Variants in F11R observed in about 807,000 individuals in gnomAD.
F11R encodes the protein F11 receptor.
Under a neutral mutation model 39.3 loss-of-function variants are expected in F11R, and 27 were observed. The ratio of observed to expected loss-of-function variants is 0.69; its 90% CI spans 0.51 to 0.95. The LOEUF (loss-of-function observed/expected upper bound fraction) is 0.95, where lower values mean the gene tolerates loss of function less well. Among genes scored for constraint, F11R ranks in the 40% least tolerant of loss-of-function variants. The probability of loss-of-function intolerance (pLI) is 0.00; values close to 1 mark genes in which losing one functional copy is unlikely to be tolerated. For synonymous variants in F11R, 131 were observed against 144.9 expected, an observed-to-expected ratio of 0.90 and a Z score of 0.69; for missense variants, 335 against 372.7, an observed-to-expected ratio of 0.90 and a Z score of 0.83.
chr1:161,012,605 T>TTTAC (rs1279009732), intron 1 of F11R, among the ~76,000 whole-genome samples: 10 of 142,178 alleles, frequency 7.0e-5, no homozygotes, highest in African/African-American at 2.5e-4. Context: ...ATTAATTTTA[T>TTTAC]TTATTTATTT....
intron 1 of F11R, among the ~76,000 whole-genome samples, chr1:161,016,400 CG>C (rs1181898780): frequency 6.6e-5 from 10 of 152,006 alleles, no homozygotes; most frequent in Admixed American, 6.6e-4. Context: ...GGCATGAACC[CG>C]GGAGGTGGAG....
At chr1:160,999,798 C>T in intron 6 of F11R, 51 bp from the exon 7 acceptor site, 1 of 1,604,520 alleles carries the variant, frequency 6.2e-7, no homozygotes, top group Non-Finnish European at 8.5e-7. Flanking sequence ...CTCACGGCAC[C>T]TACAGTATCA....
chr1:161,007,482 A>G (rs1303783619), intron 1 of F11R, among the ~76,000 whole-genome samples: 1 of 152,104 alleles, frequency 6.6e-6, no homozygotes, highest in Non-Finnish European at 1.5e-5. Flanking sequence ...GAAAAAAAAA[A>G]AAAAATCCCA....
At chr1:161,020,114 TAACGCACA>T (rs1343909909) in intron 1 of F11R, among the ~76,000 whole-genome samples, 1 of 152,178 alleles carries the variant, frequency 6.6e-6, no homozygotes, top group Non-Finnish European at 1.5e-5. Flanking sequence ...ACAGGTTGAC[TAACGCACA>T]AACCAACCGA....
Position 160,998,843 on chromosome 1 carries a change from C to G in F11R, c.*28G>C. ...CGGTAGCACCTGAGTAAGGCAAATG[C>G]AGATGATAGGCGGTGAGCCGACCAG... On this transcript the variant is annotated 3_prime_UTR_variant, in exon 10 of 10. Coordinates refer to ENST00000368026, the MANE Select transcript of F11R (RefSeq NM_016946.6). The G allele has an allele frequency of 6.2e-7, 1 of 1,613,232 alleles. No individual in the cohort carries two copies. The highest frequency in any genetic ancestry group is 8.5e-7 in the Non-Finnish European group (1 of 1,179,134).
chr1:161,016,204 C>T (rs988643295), intron 1 of F11R, among the ~76,000 whole-genome samples: 3 of 152,034 alleles, frequency 2.0e-5, no homozygotes, highest in Non-Finnish European at 4.4e-5. Context: ...GGGCCGGGCG[C>T]GGTGGCTCAC....
intron 1 of F11R, among the ~76,000 whole-genome samples, chr1:161,017,205 T>G (rs1177663039): frequency 2.0e-5 from 3 of 152,164 alleles, no homozygotes; most frequent in Non-Finnish European, 4.4e-5. Flanking sequence ...GTCTGAAATA[T>G]GGCCTCGTGG....
Position 161,001,054 on chromosome 1 carries a change from G to C in F11R, c.207C>G (p.Thr69=). 6.2e-7 allele frequency: 1 copy of C among 1,614,110 alleles called. No homozygotes were observed. Among genetic ancestry groups the C allele is most frequent in the Non-Finnish European group, 8.5e-7 (1 of 1,180,016 alleles). ...TGTTATTATAGCAAACGAGTCTGGT[G>C]GTGTCTCCTTGGTCAAACTTCCACT... ...RVEWKFDQGD[T]TRLVCYNNKI... The change falls in exon 3 of 10, where the codon ACC becomes ACG. Residue 69 remains threonine (T), a synonymous_variant. Transcript: ENST00000368026.
At position 161,001,048 on chromosome 1, in the gene F11R, T is replaced by C; in HGVS notation, c.213A>G (p.Arg71=). Reference sequence around the variant, plus strand: ...TGATCTTGTTATTATAGCAAACGAGTCTGGTGGTGTCTCCTTGGTCAAACT... The same window carrying C: ...TGATCTTGTTATTATAGCAAACGAGCCTGGTGGTGTCTCCTTGGTCAAACT... ...EWKFDQGDTT[R]LVCYNNKITA... is the part of the protein sequence containing the mutation. Residue 71 remains arginine (R), a synonymous_variant, in exon 3 of 10, where the codon AGA becomes AGG. Transcript: ENST00000368026. The C allele has an allele frequency of 6.2e-7, 1 of 1,613,604 alleles. No individual in the cohort carries two copies. Among genetic ancestry groups the C allele is most frequent in the East Asian group, 2.2e-5 (1 of 44,846 alleles).
At chr1:161,006,013 C>T (rs533411814) in intron 1 of F11R, among the ~76,000 whole-genome samples, 6 of 152,078 alleles carry the variant, frequency 3.9e-5, no homozygotes, top group African/African-American at 9.6e-5. Flanking sequence ...TGGCGGGCAA[C>T]GGTAATCCCA....
intron 2 of F11R, 22 bp downstream of exon 2, chr1:161,001,263 T>C: frequency 6.2e-7 from 1 of 1,613,114 alleles, no homozygotes; most frequent in Non-Finnish European, 8.5e-7. Flanking sequence ...CCTCACACCC[T>C]CCATGGCCCC....
chr1:160,999,884 A>G lies in F11R; in HGVS notation c.686T>C (p.Met229Thr), dbSNP rs1411166231. 1 of 1,614,124 alleles carries G rather than the reference A, an allele frequency of 6.2e-7. No individual in the cohort carries two copies. The highest frequency in any genetic ancestry group is 8.5e-7 in the Non-Finnish European group (1 of 1,179,980). The change falls in exon 6 of 10, where the codon ATG becomes ACG. Residue 229 changes from methionine (M) to threonine (T), a missense_variant. By Grantham distance (81) the Met-to-Thr change is moderately conservative. Coordinates refer to ENST00000368026, the MANE Select transcript of F11R (RefSeq NM_016946.6). ...CAAGCCCTAACTCTCACCAGCTTCCATGCGCACAGCATTTGAAGTCATGGG... is the reference window on the plus strand; with the variant it reads ...CAAGCCCTAACTCTCACCAGCTTCCGTGCGCACAGCATTTGAAGTCATGGG... ...GTPMTSNAVR[M>T]EAVERNVGVI...
chr1:161,018,905 T>C (rs376387692), intron 1 of F11R, among the ~76,000 whole-genome samples: 6 of 152,252 alleles, frequency 3.9e-5, no homozygotes, highest in African/African-American at 1.4e-4. Flanking sequence ...TGAAGACACC[T>C]CCAAGCTCAA....
intron 1 of F11R, among the ~76,000 whole-genome samples, chr1:161,009,380 C>T (rs1207098962): frequency 6.6e-6 from 1 of 151,364 alleles, no homozygotes; most frequent in Non-Finnish European, 1.5e-5. Flanking sequence ...CCACACTTAG[C>T]ATAATAAAAC....
At chr1:161,002,307 GTTTGCAC>G (rs533821047) in intron 1 of F11R, among the ~76,000 whole-genome samples, 168 of 149,064 alleles carry the variant, frequency 1.1e-3, no homozygotes, top group Non-Finnish European at 1.9e-3. Flanking sequence ...CTGAGGTGAA[GTTTGCAC>G]TAGAAGTGGG....
rs1403694230 is a variant in F11R, at chr1:160,999,693, A to G, written c.749T>C (p.Leu250Pro). Residue 250 changes from leucine to proline, a missense_variant, in exon 7 of 10, where the codon CTG (leucine) becomes CCG (proline). Coordinates refer to ENST00000368026, the MANE Select transcript of F11R (RefSeq NM_016946.6). Reference sequence around the variant, plus strand: ...CCAGATGCCAAAAACCAAGATTCCCAGGAGAATCAGGGTTACAAGGACGGC... The same window carrying G: ...CCAGATGCCAAAAACCAAGATTCCCGGGAGAATCAGGGTTACAAGGACGGC... Reference protein sequence around the residue: ...VAAVLVTLILLGILVFGIWFA... With the variant: ...VAAVLVTLILPGILVFGIWFA... 6.2e-7 allele frequency: 1 copy of G among 1,614,180 alleles called. No individual in the cohort carries two copies. The highest frequency in any genetic ancestry group is 8.5e-7 in the Non-Finnish European group (1 of 1,180,022).
chr1:161,010,513 T>G (rs1029093664), intron 1 of F11R, among the ~76,000 whole-genome samples: 1 of 150,254 alleles, frequency 6.7e-6, no homozygotes, highest in Non-Finnish European at 1.5e-5. Flanking sequence ...TAACTCTGCC[T>G]GATTTTGAGG....
At chr1:161,003,090 C>T (rs1648586340) in intron 1 of F11R, among the ~76,000 whole-genome samples, 1 of 148,854 alleles carries the variant, frequency 6.7e-6, no homozygotes, top group South Asian at 2.1e-4. Flanking sequence ...GCTGGGATTA[C>T]AGGCGCTTAC....
chr1:161,019,405 G>A (rs968646304), intron 1 of F11R, among the ~76,000 whole-genome samples: 2 of 152,196 alleles, frequency 1.3e-5, no homozygotes, highest in East Asian at 3.9e-4. Context: ...AGACCAGCCC[G>A]ACCAACATGG....
Sources: allele counts gnomAD v4.1 joint callset (sites outside exome capture counted in the v4.1 genomes callset), GRCh38; gene constraint gnomAD v4.1.1; transcripts MANE v1.5; gene names NCBI Gene and HGNC (gene_info 2026-07-23, HGNC 2026-07-21).